Variants in CHST8 observed in about 807,000 individuals in gnomAD.
CHST8 encodes carbohydrate sulfotransferase 8, also known as GALNAC-4-ST1.
Under a neutral mutation model 15.0 loss-of-function variants are expected in CHST8, and 10 were observed. The observed-to-expected ratio is 0.67, with a 90% CI of 0.41 to 1.13. The LOEUF (loss-of-function observed/expected upper bound fraction) is 1.13, where lower values mean the gene tolerates loss of function less well. Ranked by LOEUF, CHST8 falls within the 50% of genes most tolerant of loss-of-function variation. CHST8 has a pLI of 0.00. For missense variants in CHST8, 634 were observed against 608.2 expected, an observed-to-expected ratio of 1.04 and a Z score of -0.45; for synonymous variants, 259 against 256.6, an observed-to-expected ratio of 1.01 and a Z score of -0.09.
At chr19:33,713,019 G>A (rs1035512605) in intron 3 of CHST8, among the ~76,000 whole-genome samples, 5 of 152,174 alleles carry the variant, frequency 3.3e-5, no homozygotes, top group African/African-American at 9.6e-5. Context: ...GCCCCATGGA[G>A]AGCAGCTGGG....
chr19:33,769,678 G>C (rs1385496968), intron 3 of CHST8, among the ~76,000 whole-genome samples: 1 of 151,978 alleles, frequency 6.6e-6, no homozygotes, highest in East Asian at 1.9e-4. Context: ...TGATTCTAAA[G>C]ACTCCTCTCT....
chr19:33,675,022 G>A (rs1052798372), intron 2 of CHST8, among the ~76,000 whole-genome samples: 5 of 152,226 alleles, frequency 3.3e-5, no homozygotes, highest in Non-Finnish European at 5.9e-5. Flanking sequence ...GGATGGAGCC[G>A]TAGAGACACA....
At chr19:33,726,163 G>C (rs1156696653) in intron 3 of CHST8, among the ~76,000 whole-genome samples, 2 of 152,164 alleles carry the variant, frequency 1.3e-5, no homozygotes, top group African/African-American at 4.8e-5. Context: ...TTTGTGGCCA[G>C]GAGTGGAAGG....
intron 3 of CHST8, among the ~76,000 whole-genome samples, chr19:33,768,745 G>A (rs1002737182): frequency 6.6e-6 from 1 of 152,188 alleles, no homozygotes; most frequent in African/African-American, 2.4e-5. Context: ...GAGCCACCGT[G>A]CCCGGCAGTA....
At chr19:33,704,452 G>A (rs1482431920) in intron 3 of CHST8, among the ~76,000 whole-genome samples, 1 of 152,210 alleles carries the variant, frequency 6.6e-6, no homozygotes, top group Non-Finnish European at 1.5e-5. Context: ...CAGGGAGCGG[G>A]AGACCACAGG....
chr19:33,685,504 C>T (rs1972961952), intron 2 of CHST8, among the ~76,000 whole-genome samples: 1 of 148,822 alleles, frequency 6.7e-6, no homozygotes. Flanking sequence ...AACCCTCCCT[C>T]TTCTCTGCCC....
At chr19:33,765,958 G>A (rs1974832480) in intron 3 of CHST8, among the ~76,000 whole-genome samples, 1 of 152,064 alleles carries the variant, frequency 6.6e-6, no homozygotes, top group Admixed American at 6.5e-5. Context: ...CCAATTAGTT[G>A]TAGGCCTGAA....
intron 3 of CHST8, among the ~76,000 whole-genome samples, chr19:33,699,598 A>G (rs781495452): frequency 2.6e-5 from 4 of 152,100 alleles, no homozygotes; most frequent in Non-Finnish European, 4.4e-5. Context: ...ACGTGCTGCT[A>G]TGCGTCATGC....
intron 1 of CHST8, among the ~76,000 whole-genome samples, chr19:33,665,526 A>T (rs1972645779): frequency 6.6e-6 from 1 of 152,070 alleles, no homozygotes; most frequent in Admixed American, 6.5e-5. Flanking sequence ...GGTTTAATGG[A>T]TTGCAAGACA....
intron 3 of CHST8, among the ~76,000 whole-genome samples, chr19:33,763,512 CA>C (rs1372168906): frequency 3.3e-5 from 5 of 152,194 alleles, no homozygotes; most frequent in Non-Finnish European, 4.4e-5. Context: ...CCTGGAACCC[CA>C]CGTACCTGTC....
intron 3 of CHST8, among the ~76,000 whole-genome samples, chr19:33,757,536 GA>G (rs1568358905): frequency 1.5e-5 from 1 of 68,390 alleles, no homozygotes; most frequent in Non-Finnish European, 2.9e-5. Context: ...AAGAAAGAAA[GA>G]AAGAAAGAAA....
chr19:33,698,277 TC>T (rs1275212005), intron 3 of CHST8, among the ~76,000 whole-genome samples: 2 of 151,406 alleles, frequency 1.3e-5, no homozygotes, highest in African/African-American at 4.9e-5. Flanking sequence ...CCAACTACAA[TC>T]CTTTATCCAG....
intron 3 of CHST8, among the ~76,000 whole-genome samples, chr19:33,694,982 G>A (rs1313032300): frequency 6.6e-6 from 1 of 151,044 alleles, no homozygotes; most frequent in African/African-American, 2.4e-5. Context: ...TTGAGGCAGG[G>A]TCTTGCTCTG....
At chr19:33,732,375 G>A (rs1568346907) in intron 3 of CHST8, among the ~76,000 whole-genome samples, 1 of 151,978 alleles carries the variant, frequency 6.6e-6, no homozygotes, top group East Asian at 2.0e-4. Context: ...CACAAGTAAA[G>A]GACAGAGCCC....
chr19:33,657,565 C>A (rs1568317292), intron 1 of CHST8, among the ~76,000 whole-genome samples: 1 of 151,972 alleles, frequency 6.6e-6, no homozygotes, highest in South Asian at 2.1e-4. Context: ...AGCCACCACA[C>A]CTGGCCACAC....
chr19:33,734,269 A>T (rs1221912002), intron 3 of CHST8, among the ~76,000 whole-genome samples: 1 of 152,190 alleles, frequency 6.6e-6, no homozygotes, highest in Admixed American at 6.5e-5. Flanking sequence ...AAGTTACCCT[A>T]TATGGTCTAT....
At chr19:33,752,105 A>G (rs1974432160) in intron 3 of CHST8, among the ~76,000 whole-genome samples, 1 of 152,070 alleles carries the variant, frequency 6.6e-6, no homozygotes, top group Admixed American at 6.5e-5. Flanking sequence ...CCCCAGGACG[A>G]AGGGGAGGCT....
At chr19:33,709,806 A>G (rs560126186) in intron 3 of CHST8, among the ~76,000 whole-genome samples, 3 of 152,274 alleles carry the variant, frequency 2.0e-5, no homozygotes, top group East Asian at 3.9e-4. Flanking sequence ...AGAATTTATC[A>G]GTGAAGATAT....
chr19:33,773,180 C>A lies in CHST8; in HGVS notation c.*117C>A. The A allele has an allele frequency of 8.1e-7, 1 of 1,235,648 alleles. No homozygotes were observed. Among genetic ancestry groups the A allele is most frequent in the Non-Finnish European group, 1.1e-6 (1 of 916,084 alleles). The allele number at this position is 1,235,648 out of a possible 1,614,324, so 76.5% of individuals were successfully genotyped here. A position where few individuals can be genotyped will look rare whatever the true frequency, so the allele number is the denominator to read the frequency against. ...AACAGGGCTCTGAGGACGTGAGGAG[C>A]CATCGCTGTGGGAGGCAGCAGGCCC... On this transcript the variant is annotated 3_prime_UTR_variant, in exon 5 of 5. Transcript: ENST00000650847.
Sources: allele counts gnomAD v4.1 joint callset (sites outside exome capture counted in the v4.1 genomes callset), GRCh38; gene constraint gnomAD v4.1.1; transcripts MANE v1.5; gene names NCBI Gene and HGNC (gene_info 2026-07-23, HGNC 2026-07-21).